The following CERKL variants were observed in gnomAD, a reference collection of about 807,000 sequenced individuals.
The protein encoded by CERKL is CERK like autophagy regulator, also known as ceramide kinase-like protein.
Under a neutral mutation model 63.4 loss-of-function variants are expected in CERKL, and 61 were observed. The observed-to-expected ratio is 0.96, with a 90% confidence interval of 0.78 to 1.19. The LOEUF (loss-of-function observed/expected upper bound fraction) is 1.19, where lower values mean the gene tolerates loss of function less well. CERKL is among the 50% of genes most tolerant of loss of function. CERKL has a pLI of 0.00. For missense variants in CERKL, 675 were observed against 655.5 expected, an observed-to-expected ratio of 1.03 and a Z score of -0.33; for synonymous variants, 250 against 230.5, an observed-to-expected ratio of 1.08 and a Z score of -0.77.
intron 1 of CERKL, among the ~76,000 whole-genome samples, chr2:181,609,031 G>A (rs1164781666): frequency 6.6e-6 from 1 of 152,150 alleles, no homozygotes; most frequent in African/African-American, 2.4e-5. Context: ...AAAATCTACT[G>A]AGAGACAAAG....
chr2:181,562,006 G>A (rs1349574564), intron 4 of CERKL, among the ~76,000 whole-genome samples: 2 of 152,130 alleles, frequency 1.3e-5, no homozygotes, highest in South Asian at 4.2e-4. Flanking sequence ...TAGAGATGGG[G>A]TTTTGCCATG....
At chr2:181,649,532 T>C (rs961142744) in intron 1 of CERKL, 14 of 152,136 alleles carry the variant, frequency 9.2e-5, no homozygotes, top group African/African-American at 3.1e-4. Flanking sequence ...TCAAGAAATA[T>C]TGGACTTAAG....
At chr2:181,551,407 A>G (rs1687981622) in intron 5 of CERKL, among the ~76,000 whole-genome samples, 1 of 152,280 alleles carries the variant, frequency 6.6e-6, no homozygotes, top group Non-Finnish European at 1.5e-5. Context: ...AATTTTTGCA[A>G]TGTACCCATC....
intron 5 of CERKL, among the ~76,000 whole-genome samples, chr2:181,553,290 G>T (rs1011322030): frequency 1.3e-5 from 2 of 152,138 alleles, no homozygotes; most frequent in African/African-American, 4.8e-5. Flanking sequence ...AGAAAAGGAA[G>T]AAACAAGTCA....
intron 4 of CERKL, among the ~76,000 whole-genome samples, chr2:181,559,836 A>G (rs1313050005): frequency 6.6e-6 from 1 of 152,086 alleles, no homozygotes; most frequent in Admixed American, 6.6e-5. Flanking sequence ...TCGGCCATCT[A>G]TTCCCTCTAG....
chr2:181,641,133 C>G (rs1286480350), intron 1 of CERKL, among the ~76,000 whole-genome samples: 1 of 151,816 alleles, frequency 6.6e-6, no homozygotes, highest in Non-Finnish European at 1.5e-5. Context: ...ATTGAATTTG[C>G]CAAATTTCAG....
At chr2:181,609,668 T>C (rs1010272626) in intron 1 of CERKL, among the ~76,000 whole-genome samples, 1 of 151,792 alleles carries the variant, frequency 6.6e-6, no homozygotes, top group African/African-American at 2.4e-5. Context: ...TTCATGCCAC[T>C]GCACTCCAGC....
At chr2:181,630,681 AT>A (rs1162528960) in intron 1 of CERKL, among the ~76,000 whole-genome samples, 2 of 152,162 alleles carry the variant, frequency 1.3e-5, no homozygotes, top group African/African-American at 4.8e-5. Flanking sequence ...TGGCACCTTG[AT>A]TTTGGACTTC....
intron 1 of CERKL, among the ~76,000 whole-genome samples, chr2:181,619,415 T>C (rs1205557088): frequency 1.3e-5 from 2 of 151,990 alleles, no homozygotes; most frequent in African/African-American, 2.4e-5. Context: ...TTTGCACCAA[T>C]TCCTCCTGAG....
intron 1 of CERKL, among the ~76,000 whole-genome samples, chr2:181,606,745 A>C (rs1301096726): frequency 1.3e-5 from 2 of 152,118 alleles, no homozygotes; most frequent in East Asian, 3.9e-4. Context: ...AACACCCTCA[A>C]AGTATCAATT....
intron 11 of CERKL, among the ~76,000 whole-genome samples, chr2:181,542,150 G>C (rs1351447817): frequency 6.6e-6 from 1 of 152,178 alleles, no homozygotes; most frequent in Non-Finnish European, 1.5e-5. Flanking sequence ...AAAGAGAAAA[G>C]TGTGGACAGT....
At chr2:181,633,607 T>C (rs771849977) in intron 1 of CERKL, among the ~76,000 whole-genome samples, 1 of 152,178 alleles carries the variant, frequency 6.6e-6, no homozygotes, top group African/African-American at 2.4e-5. Flanking sequence ...CATATTGTTT[T>C]TGAATAAATA....
intron 6 of CERKL, among the ~76,000 whole-genome samples, chr2:181,549,379 G>A (rs1345049222): frequency 6.6e-6 from 1 of 151,998 alleles, no homozygotes; most frequent in Non-Finnish European, 1.5e-5. Flanking sequence ...TTATAATTTT[G>A]AGCACACTAC....
intron 1 of CERKL, among the ~76,000 whole-genome samples, chr2:181,646,638 C>G (rs572781230): frequency 2.6e-5 from 4 of 152,274 alleles, no homozygotes; most frequent in African/African-American, 9.6e-5. Flanking sequence ...TGGGACTCCA[C>G]CATTTGGCAG....
chr2:181,584,337 T>C (rs998239834), intron 2 of CERKL, among the ~76,000 whole-genome samples: 19 of 148,210 alleles, frequency 1.3e-4, no homozygotes, highest in African/African-American at 1.5e-4. Flanking sequence ...CACAGAGAGA[T>C]ATTGTCTCTA....
chr2:181,582,716 T>C (rs1486536136), intron 2 of CERKL, among the ~76,000 whole-genome samples: 1 of 151,928 alleles, frequency 6.6e-6, no homozygotes, highest in African/African-American at 2.4e-5. Context: ...AGCTAATTTT[T>C]GTATTTTTAG....
chr2:181,598,781 G>T (rs1346593308), intron 2 of CERKL, among the ~76,000 whole-genome samples: 1 of 151,734 alleles, frequency 6.6e-6, no homozygotes, highest in Admixed American at 6.6e-5. Context: ...CACGCCCAAG[G>T]AATCCATAAA....
At position 181,648,820 on chromosome 2, in the gene CERKL, T is replaced by A. The variant is rs561623010; in HGVS notation, c.238+7949A>T. On this transcript the variant is annotated intron_variant, in intron 1 of 12. Transcript: ENST00000410087. ...AGGAAAAAAGTCTAGAGTATTTTTA[T>A]GTGACCAAAGTTAACTTGCTATCAG... Among the ~76,000 whole-genome samples the A allele has an allele frequency of 2.0e-5, 3 of 152,350 alleles. No homozygotes were observed. The East Asian group carries it at 5.8e-4, about 29-fold the overall frequency.
At chr2:181,570,359 C>T (rs1451497313) in intron 3 of CERKL, among the ~76,000 whole-genome samples, 1 of 152,198 alleles carries the variant, frequency 6.6e-6, no homozygotes, top group Admixed American at 6.6e-5. Flanking sequence ...GCTGCCTTAA[C>T]TTTTTCACTC....
Sources: gnomAD v4.1 joint callset for allele counts (sites outside exome capture counted in the v4.1 genomes callset) on GRCh38, gnomAD v4.1.1 for gene constraint, MANE v1.5 for transcripts, NCBI Gene and HGNC (gene_info 2026-07-23, HGNC 2026-07-21) for gene names.